The following PPP1R9A variants were observed in gnomAD, a reference collection of about 807,000 sequenced individuals.
The protein encoded by PPP1R9A is neurabin-1.
A neutral mutation model predicts 141.9 loss-of-function variants in PPP1R9A; 59 were observed. The observed-to-expected ratio is 0.42, with a 90% confidence interval of 0.34 to 0.52. PPP1R9A has a LOEUF of 0.52. Among genes scored for constraint, PPP1R9A ranks in the 20% least tolerant of loss-of-function variants. The pLI is 0.10. For synonymous variants in PPP1R9A, 500 were observed against 569.7 expected (o/e 0.88, Z 1.74); for missense variants, 1,444 against 1,611.9 (o/e 0.90, Z 1.78).
At chr7:95,114,734 G>T (rs1347540763) in intron 3 of PPP1R9A, among the ~76,000 whole-genome samples, 1 of 151,908 alleles carries the variant, frequency 6.6e-6, no homozygotes. Context: ...TATTTTAAAA[G>T]AAAAAGTTTT....
At chr7:95,186,595 A>G (rs924469877) in intron 5 of PPP1R9A, among the ~76,000 whole-genome samples, 2 of 152,062 alleles carry the variant, frequency 1.3e-5, no homozygotes, top group Admixed American at 1.3e-4. Flanking sequence ...TTCTTGTTCT[A>G]GTTCTCAGGA....
chr7:94,914,530 T>A (rs1791833510), intron 2 of PPP1R9A, among the ~76,000 whole-genome samples: 1 of 152,232 alleles, frequency 6.6e-6, no homozygotes, highest in East Asian at 1.9e-4. Flanking sequence ...TTAGATAGAT[T>A]GTTATGTTTC....
At chr7:95,186,590 G>T (rs1176872266) in intron 5 of PPP1R9A, among the ~76,000 whole-genome samples, 1 of 151,988 alleles carries the variant, frequency 6.6e-6, no homozygotes, top group East Asian at 1.9e-4. Flanking sequence ...TCTTTTTCTT[G>T]TTCTAGTTCT....
intron 4 of PPP1R9A, among the ~76,000 whole-genome samples, chr7:95,150,557 C>T (rs1360201457): frequency 6.6e-6 from 1 of 152,160 alleles, no homozygotes. Context: ...CCCGTCTGAG[C>T]CCCCAAAGTG....
chr7:95,046,272 G>A (rs1476662342), intron 2 of PPP1R9A, among the ~76,000 whole-genome samples: 1 of 151,688 alleles, frequency 6.6e-6, no homozygotes, highest in Non-Finnish European at 1.5e-5. Context: ...GTACAGATGG[G>A]GTTTCACCAT....
chr7:95,172,354 T>C (rs76711588), intron 5 of PPP1R9A, among the ~76,000 whole-genome samples: 203 of 151,824 alleles, frequency 1.3e-3, no homozygotes, highest in African/African-American at 4.8e-3. Flanking sequence ...CAGATGACCA[T>C]GAAGAAAATC....
At chr7:95,199,406 C>G (rs766364213) in intron 6 of PPP1R9A, among the ~76,000 whole-genome samples, 2 of 152,128 alleles carry the variant, frequency 1.3e-5, no homozygotes, top group Non-Finnish European at 2.9e-5. Context: ...TCAACCCCTT[C>G]TTATCTGAAT....
At chr7:95,288,488 C>T (rs1384890192) in intron 18 of PPP1R9A, 48 bp from the exon 19 acceptor site, 1 of 1,586,838 alleles carries the variant, frequency 6.3e-7, no homozygotes, top group South Asian at 1.2e-5. Context: ...TAATATGAGC[C>T]ATAGTATCTT....
rs978314569 is a variant in PPP1R9A at position 95,198,293 on chromosome 7, A to C, written c.1755-56A>C. 3 of 1,499,706 alleles carry C rather than the reference A, an allele frequency of 2.0e-6. No homozygotes were observed. The African/African-American group carries it at 4.2e-5, about 21-fold the overall frequency. The allele number at this position is 1,499,706 out of a possible 1,614,324, so 92.9% of individuals were successfully genotyped here. ...GAGATCAAACCTGTTTACTTTTCTTAAAACTCCTTTTTGTTGGAGAGTCTT... is the reference window on the plus strand; with the variant it reads ...GAGATCAAACCTGTTTACTTTTCTTCAAACTCCTTTTTGTTGGAGAGTCTT... On this transcript the variant is annotated intron_variant, in intron 5 of 19. Coordinates refer to ENST00000433360, the MANE Select transcript of PPP1R9A (RefSeq NM_001166160.2).
At chr7:94,930,946 G>A (rs1234564677) in intron 2 of PPP1R9A, among the ~76,000 whole-genome samples, 1 of 152,236 alleles carries the variant, frequency 6.6e-6, no homozygotes. Context: ...TTAGCTGTCA[G>A]TTTTGCAGGT....
intron 2 of PPP1R9A, among the ~76,000 whole-genome samples, chr7:95,002,795 C>G (rs1004731784): frequency 1.3e-5 from 2 of 152,144 alleles, no homozygotes; most frequent in Admixed American, 6.5e-5. Context: ...ATAGTTTACT[C>G]TCTTCAGGTG....
intron 2 of PPP1R9A, among the ~76,000 whole-genome samples, chr7:95,104,868 C>T (rs1465718451): frequency 6.6e-6 from 1 of 152,170 alleles, no homozygotes; most frequent in African/African-American, 2.4e-5. Flanking sequence ...TTTGCAGAGC[C>T]ACTGAAATCA....
chr7:94,911,645 T>C lies in PPP1R9A; in HGVS notation c.1395+137T>C, dbSNP rs766443349. 2.4e-4 allele frequency: 156 copies of C among 654,468 alleles called. 1 individual carries two copies. In the Middle Eastern group the frequency reaches 3.4e-3, roughly 14 times the overall value. The allele number at this position is 654,468 out of a possible 1,614,324, so 40.5% of individuals were successfully genotyped here. On this transcript the variant is annotated intron_variant, in intron 2 of 19. Coordinates refer to ENST00000433360, the MANE Select transcript of PPP1R9A (RefSeq NM_001166160.2). ...TGTTGATACCTTTAAAATCACCTGT[T>C]GTCAGGTGATTTTAAAAGTTCAGAG... is the stretch of plus-strand genomic sequence containing the variant.
intron 12 of PPP1R9A, among the ~76,000 whole-genome samples, chr7:95,264,847 G>A (rs1801018395): frequency 6.6e-6 from 1 of 152,238 alleles, no homozygotes; most frequent in East Asian, 1.9e-4. Flanking sequence ...TGACCCTTAT[G>A]GACAACAGAA....
At chr7:95,046,186 C>G (rs1341349017) in intron 2 of PPP1R9A, among the ~76,000 whole-genome samples, 1 of 151,394 alleles carries the variant, frequency 6.6e-6, no homozygotes, top group African/African-American at 2.4e-5. Context: ...TCAAGCAATT[C>G]TCCTGCCTCA....
At chr7:94,951,557 A>C (rs1408137902) in intron 2 of PPP1R9A, among the ~76,000 whole-genome samples, 2 of 152,080 alleles carry the variant, frequency 1.3e-5, no homozygotes, top group Non-Finnish European at 2.9e-5. Flanking sequence ...AACCACTTGA[A>C]TTCATGGGAT....
In PPP1R9A at chr7:95,269,301, CA is replaced by C; in HGVS notation, c.2919del (p.Leu975SerfsTer15). 6.3e-7 allele frequency: 1 copy of C among 1,597,154 alleles called. No individual in the cohort carries two copies. On this transcript the variant is annotated frameshift_variant, in exon 14 of 20. Coordinates refer to ENST00000433360, the MANE Select transcript of PPP1R9A (RefSeq NM_001166160.2). LOFTEE classifies it high-confidence loss of function. ...TSSPESDSGV[P>X]PLTPVDSNVP... ...TCTCCAGAATCAGATTCTGGTGTTC[CA>C]CCCCTCACCCCGGTGGATAGCAATG...
chr7:95,005,691 T>TCAGCA (rs1033550783), intron 2 of PPP1R9A, among the ~76,000 whole-genome samples: 4 of 152,292 alleles, frequency 2.6e-5, no homozygotes, highest in African/African-American at 9.6e-5. Context: ...CTGGTTATGG[T>TCAGCA]CAGCACCTGC....
At chr7:94,920,248 A>G (rs1425975431) in intron 2 of PPP1R9A, among the ~76,000 whole-genome samples, 1 of 152,204 alleles carries the variant, frequency 6.6e-6, no homozygotes, top group Non-Finnish European at 1.5e-5. Context: ...CTGCTGAGGA[A>G]ACTAAGAATA....
Sources: allele counts gnomAD v4.1 joint callset (sites outside exome capture counted in the v4.1 genomes callset), GRCh38; gene constraint gnomAD v4.1.1; transcripts MANE v1.5; gene names NCBI Gene and HGNC (gene_info 2026-07-23, HGNC 2026-07-21).